NEDD4L: variants seen among roughly 807,000 people sequenced by gnomAD.
NEDD4L encodes the protein NEDD4 like E3 ubiquitin protein ligase.
NEDD4L carries 54 observed loss-of-function variants against 148.9 expected under a neutral mutation model. The ratio of observed to expected loss-of-function variants is 0.36; its 90% CI spans 0.29 to 0.45. NEDD4L has a LOEUF of 0.45. NEDD4L is among the 20% of genes least tolerant of loss of function. The pLI, the probability that NEDD4L is intolerant of heterozygous loss-of-function variation, is 1.00. For synonymous variants in NEDD4L, 433 were observed against 440.7 expected, an observed-to-expected ratio of 0.98 and a Z score of 0.22; for missense variants, 856 against 1,233.8, an observed-to-expected ratio of 0.69 and a Z score of 4.59.
chr18:58,319,703 A>G (rs1349691596), intron 6 of NEDD4L, among the ~76,000 whole-genome samples: 1 of 152,224 alleles, frequency 6.6e-6, no homozygotes, highest in Non-Finnish European at 1.5e-5. Flanking sequence ...TCTTGTAGTT[A>G]TCTATAAGAT....
At chr18:58,213,159 T>C (rs2042780324) in intron 2 of NEDD4L, among the ~76,000 whole-genome samples, 1 of 122,056 alleles carries the variant, frequency 8.2e-6, no homozygotes, top group Non-Finnish European at 1.7e-5. Flanking sequence ...AGTTGGGAAA[T>C]TGAAAAGCAG....
intron 1 of NEDD4L, among the ~76,000 whole-genome samples, chr18:58,142,230 T>C (rs1007716193): frequency 2.0e-5 from 3 of 150,666 alleles, no homozygotes; most frequent in Non-Finnish European, 3.0e-5. Context: ...TTTTATTTTT[T>C]GTAGAGACGG....
intron 1 of NEDD4L, among the ~76,000 whole-genome samples, chr18:58,118,029 A>C (rs2145771559): frequency 6.6e-6 from 1 of 152,326 alleles, no homozygotes; most frequent in Admixed American, 6.5e-5. Context: ...GACACTGGAG[A>C]CTGCACCACT....
In NEDD4L at chr18:58,387,696, T is replaced by C. The variant is rs534320177; in HGVS notation, c.2547+198T>C. 5.9e-5 allele frequency: 35 copies of C among 590,216 alleles called. No homozygotes were observed. In the African/African-American group the frequency reaches 6.0e-4, roughly 10 times the overall value. The allele number at this position is 590,216 out of a possible 1,614,324, so 36.6% of individuals were successfully genotyped here. A position where few individuals can be genotyped will look rare whatever the true frequency, so the allele number is the denominator to read the frequency against. On this transcript the variant is annotated intron_variant, in intron 27 of 30. Coordinates refer to ENST00000400345, the MANE Select transcript of NEDD4L (RefSeq NM_001144967.3). Reference sequence around the variant, plus strand: ...GTCTCTTATGGGGCTTGTTTGCCAATGTAGGAGTAAGGAACAGCAAAAATA... The same window carrying C: ...GTCTCTTATGGGGCTTGTTTGCCAACGTAGGAGTAAGGAACAGCAAAAATA...
At chr18:58,229,315 C>T (rs1489188005) in intron 2 of NEDD4L, among the ~76,000 whole-genome samples, 2 of 152,200 alleles carry the variant, frequency 1.3e-5, no homozygotes, top group South Asian at 2.1e-4. Context: ...TAAGGAGCCA[C>T]GCTGCAGGTA....
At chr18:58,318,145 G>A (rs368524662) in intron 6 of NEDD4L, among the ~76,000 whole-genome samples, 12 of 152,156 alleles carry the variant, frequency 7.9e-5, no homozygotes, top group Admixed American at 5.2e-4. Flanking sequence ...GAGCATATGC[G>A]TGTATTTTGT....
chr18:58,243,921 T>C (rs1187043225), intron 2 of NEDD4L, among the ~76,000 whole-genome samples: 1 of 152,232 alleles, frequency 6.6e-6, no homozygotes, highest in African/African-American at 2.4e-5. Flanking sequence ...TTTTGTAGCT[T>C]CCATTCAGAT....
chr18:58,280,330 C>A (rs993828647), intron 5 of NEDD4L, among the ~76,000 whole-genome samples: 2 of 152,168 alleles, frequency 1.3e-5, no homozygotes, highest in Admixed American at 1.3e-4. Context: ...ATGCCACTAT[C>A]TGTGTGTTCC....
chr18:58,239,674 G>A (rs2046410028), intron 2 of NEDD4L, among the ~76,000 whole-genome samples: 1 of 152,228 alleles, frequency 6.6e-6, no homozygotes, highest in African/African-American at 2.4e-5. Context: ...TCCCTGTGGA[G>A]TGTGTCCCAG....
At chr18:58,336,024 T>C (rs2041703228) in intron 13 of NEDD4L, 2 of 154,284 alleles carry the variant, frequency 1.3e-5, no homozygotes, top group African/African-American at 4.8e-5. Flanking sequence ...GAATGCACCA[T>C]GACCCTTTCT....
intron 5 of NEDD4L, among the ~76,000 whole-genome samples, chr18:58,269,607 A>G (rs2050734823): frequency 6.6e-6 from 1 of 152,118 alleles, no homozygotes; most frequent in Admixed American, 6.5e-5. Context: ...GGCCAGAAGT[A>G]GATGTATTGC....
intron 14 of NEDD4L, among the ~76,000 whole-genome samples, chr18:58,341,459 G>A (rs1352937626): frequency 5.9e-5 from 9 of 152,104 alleles, no homozygotes; most frequent in Admixed American, 6.6e-5. Flanking sequence ...ACTTTAATCC[G>A]AGGCTAGTTT....
intron 2 of NEDD4L, among the ~76,000 whole-genome samples, chr18:58,198,876 C>T (rs2041055972): frequency 6.6e-6 from 1 of 152,184 alleles, no homozygotes; most frequent in African/African-American, 2.4e-5. Context: ...GCAATCTCCG[C>T]TCACAGCAAC....
intron 8 of NEDD4L, among the ~76,000 whole-genome samples, chr18:58,324,368 G>A (rs17064791): frequency 0.028 from 4,292 of 152,288 alleles, 96 homozygotes; most frequent in Non-Finnish European, 0.04. Flanking sequence ...CGTTGGTGTG[G>A]ACACAGCCAG....
At position 58,044,384 on chromosome 18, in the gene NEDD4L, A is replaced by T. The variant is rs1297269599; in HGVS notation, c.-277A>T. 4.8e-6 allele frequency: 1 copy of T among 206,806 alleles called. No homozygotes were observed. Among genetic ancestry groups the T allele is most frequent in the African/African-American group, 2.3e-5 (1 of 42,926 alleles). 12.8% of individuals were successfully genotyped at this position (206,806 alleles called of 1,614,324 possible). ...CCGGGTCTGCGCCGCCGCCGCGCGC[A>T]GTGAGAGGCGCCGGGGCTGCCGCCC... is the stretch of plus-strand genomic sequence containing the variant. On this transcript the variant is annotated 5_prime_UTR_variant, in exon 1 of 31. Transcript: ENST00000400345.
chr18:58,235,568 G>A (rs749778603), intron 2 of NEDD4L, among the ~76,000 whole-genome samples: 4 of 152,166 alleles, frequency 2.6e-5, no homozygotes, highest in Non-Finnish European at 5.9e-5. Context: ...AGTTCCTGCC[G>A]TTAGAACTTG....
chr18:58,111,425 C>T (rs945541352), intron 1 of NEDD4L, among the ~76,000 whole-genome samples: 7 of 152,174 alleles, frequency 4.6e-5, no homozygotes, highest in South Asian at 2.1e-4. Context: ...CCATCACCCC[C>T]CAGTTCTCCC....
intron 1 of NEDD4L, among the ~76,000 whole-genome samples, chr18:58,094,825 A>T (rs1467963973): frequency 1.3e-5 from 2 of 151,570 alleles, no homozygotes; most frequent in Non-Finnish European, 2.9e-5. Flanking sequence ...TAGAAGACAG[A>T]TGATTCCAAA....
At chr18:58,094,656 C>G (rs2084275378) in intron 1 of NEDD4L, among the ~76,000 whole-genome samples, 1 of 152,166 alleles carries the variant, frequency 6.6e-6, no homozygotes, top group African/African-American at 2.4e-5. Flanking sequence ...CACCTCAGAG[C>G]CCTTCCCCTT....
Sources: gnomAD v4.1 joint callset for allele counts (sites outside exome capture counted in the v4.1 genomes callset) on GRCh38, gnomAD v4.1.1 for gene constraint, MANE v1.5 for transcripts, NCBI Gene and HGNC (gene_info 2026-07-23, HGNC 2026-07-21) for gene names.